ABCB5: variants seen among roughly 807,000 people sequenced by gnomAD.
ABCB5 encodes the protein ATP binding cassette subfamily B member 5, also known as ATP-binding cassette sub-family B member 5.
ABCB5 carries 155 observed loss-of-function variants against 144.2 expected under a neutral mutation model. The ratio of observed to expected loss-of-function variants is 1.08; its 90% CI spans 0.94 to 1.23. ABCB5 has a LOEUF of 1.23. Among genes scored for constraint, ABCB5 ranks in the 50% most tolerant of loss-of-function variants. The pLI is 0.00. For missense variants in ABCB5, 1,830 were observed against 1,520.8 expected (o/e 1.20, Z -3.38); for synonymous variants, 610 against 528.6 (o/e 1.15, Z -2.11).
At chr7:20,753,998 C>T (rs1385024428) in intron 27 of ABCB5, among the ~76,000 whole-genome samples, 1 of 152,202 alleles carries the variant, frequency 6.6e-6, no homozygotes, top group Non-Finnish European at 1.5e-5. Context: ...GCACAGCAAG[C>T]TTCTCCAGCT....
chr7:20,716,402 G>A (rs1035370466), intron 20 of ABCB5, among the ~76,000 whole-genome samples: 2 of 152,004 alleles, frequency 1.3e-5, no homozygotes, highest in Non-Finnish European at 2.9e-5. Context: ...TTAAAAAATA[G>A]CTCCAATGAT....
rs7349983 is a variant in ABCB5, at chr7:20,643,581, G to A, written c.627G>A (p.Val209=). The A allele has an allele frequency of 5.0e-6, 8 of 1,613,844 alleles. No homozygotes were observed. The highest frequency in any genetic ancestry group is 6.8e-6 in the Non-Finnish European group (8 of 1,179,838). ...GLVKGWKLTL[V]TLSTSPLIMA... ...TGAAGGGCTGGAAACTCACCCTAGT[G>A]ACTCTATCCACGTCTCCTCTTATAA... The change falls in exon 7 of 28, where the codon GTG becomes GTA. Residue 209 remains valine (V), a synonymous_variant. Transcript: ENST00000404938.
chr7:20,713,387 G>T (rs1781565215), intron 20 of ABCB5, among the ~76,000 whole-genome samples: 1 of 148,804 alleles, frequency 6.7e-6, no homozygotes, highest in South Asian at 2.2e-4. Flanking sequence ...GAGGTACATG[G>T]TACCACACTC....
At chr7:20,668,031 G>A in intron 14 of ABCB5, among the ~76,000 whole-genome samples, 1 of 60,096 alleles carries the variant, frequency 1.7e-5, no homozygotes, top group Non-Finnish European at 3.1e-5. Flanking sequence ...GTGCTCAATG[G>A]TGCCCAGGCT....
At chr7:20,735,087 A>G (rs1782342872) in intron 23 of ABCB5, among the ~76,000 whole-genome samples, 1 of 152,022 alleles carries the variant, frequency 6.6e-6, no homozygotes, top group Non-Finnish European at 1.5e-5. Context: ...TTTCTTCCAT[A>G]TTTTCTATCC....
intron 20 of ABCB5, among the ~76,000 whole-genome samples, chr7:20,720,912 C>T (rs915536031): frequency 6.6e-5 from 9 of 135,946 alleles, no homozygotes; most frequent in African/African-American, 2.5e-4. Flanking sequence ...CCACTGCACT[C>T]CAGCCTGGGC....
rs183482298 is a variant in ABCB5, at chr7:20,717,408, A to T, written c.2422-5608A>T. 1.1e-4 allele frequency among the ~76,000 whole-genome samples: 16 copies of T among 147,754 alleles called. No homozygotes were observed. The East Asian group carries it at 3.2e-3, about 30-fold the overall frequency. ...CGTCCTCACAGGATCTTCTCTGTGT[A>T]TGCAGTGTCTGCTGTGTCCAGATTT... On this transcript the variant is annotated intron_variant, in intron 20 of 27. Transcript: ENST00000404938.
rs1477180314 is a variant in ABCB5, at chr7:20,745,214, C to A, written c.3223-18C>A. 11 of 1,612,818 alleles carry A rather than the reference C, an allele frequency of 6.8e-6. No individual in the cohort carries two copies. The highest frequency in any genetic ancestry group is 1.7e-4 in the Middle Eastern group (1 of 5,942). On this transcript the variant is annotated intron_variant, in intron 25 of 27. Coordinates refer to ENST00000404938, the MANE Select transcript of ABCB5 (RefSeq NM_001163941.2). ...TTGTGTGATCTTAACACACCATTCT[C>A]CAATCTGCTTTTGGCAGCTGTTTGA... is the stretch of plus-strand genomic sequence containing the variant.
intron 23 of ABCB5, among the ~76,000 whole-genome samples, chr7:20,729,607 G>C (rs1782144674): frequency 6.6e-6 from 1 of 152,092 alleles, no homozygotes; most frequent in Non-Finnish European, 1.5e-5. Context: ...AATTAATTTT[G>C]AGTATTAATT....
chr7:20,655,241 G>C (rs1477300682), intron 13 of ABCB5, among the ~76,000 whole-genome samples: 2 of 152,098 alleles, frequency 1.3e-5, no homozygotes, highest in Non-Finnish European at 2.9e-5. Context: ...GGAGGCTGAG[G>C]CAGGTGGATC....
intron 5 of ABCB5, among the ~76,000 whole-genome samples, chr7:20,639,147 T>C (rs773145313): frequency 6.6e-6 from 1 of 152,222 alleles, no homozygotes; most frequent in Non-Finnish European, 1.5e-5. Flanking sequence ...TCTACTCATA[T>C]ATTTTCTTTG....
chr7:20,745,240 T>C lies in ABCB5; in HGVS notation c.3231T>C (p.Asp1077=). 1 of 1,613,926 alleles carries C rather than the reference T, an allele frequency of 6.2e-7. No individual in the cohort carries two copies. The highest frequency in any genetic ancestry group is 8.5e-7 in the Non-Finnish European group (1 of 1,179,858). Residue 1077 remains aspartate, a synonymous_variant, in exon 26 of 28, where the codon GAT becomes GAC. Transcript: ENST00000404938. Reference sequence around the variant, plus strand: ...CAATCTGCTTTTGGCAGCTGTTTGATGGTGTGGATGCAAAAGAATTGAATG... The same window carrying C: ...CAATCTGCTTTTGGCAGCTGTTTGACGGTGTGGATGCAAAAGAATTGAATG... ...YDPVQGQVLF[D]GVDAKELNVQ... is the part of the protein sequence containing the mutation.
chr7:20,650,038 A>G lies in ABCB5; in HGVS notation c.1223A>G (p.Asn408Ser). 6.2e-7 allele frequency: 1 copy of G among 1,612,808 alleles called. No individual in the cohort carries two copies. Among genetic ancestry groups the G allele is most frequent in the East Asian group, 2.2e-5 (1 of 44,872 alleles). The change falls in exon 12 of 28, where the codon AAT becomes AGT. Residue 408 changes from asparagine (N) to serine (S), a missense_variant. Asn to Ser is a conservative substitution (Grantham distance 46, BLOSUM62 1). Transcript: ENST00000404938. ...TTCCAATAGATTCTGAAAGGTCTGA[A>G]TCTCAGAATTAAGTCTGGAGAGACA... ...RPSIKILKGL[N>S]LRIKSGETVA...
rs182503679 is a variant in ABCB5 at position 20,653,971 on chromosome 7, C to A, written c.1536+2348C>A. 5.3e-5 allele frequency among the ~76,000 whole-genome samples: 8 copies of A among 152,286 alleles called. No individual in the cohort carries two copies. In the East Asian group the frequency reaches 1.5e-3, roughly 29 times the overall value. Reference sequence around the variant, plus strand: ...AAAAGCCACACCTTAGGAGTCAGGACCACACCTTAGAGTAAGATCTACCTG... The same window carrying A: ...AAAAGCCACACCTTAGGAGTCAGGAACACACCTTAGAGTAAGATCTACCTG... On this transcript the variant is annotated intron_variant, in intron 13 of 27. Transcript: ENST00000404938.
chr7:20,682,467 C>G (rs1785861126), intron 15 of ABCB5, among the ~76,000 whole-genome samples: 2 of 151,948 alleles, frequency 1.3e-5, no homozygotes, highest in Non-Finnish European at 2.9e-5. Context: ...TGGGGGTGAA[C>G]ATAAAGGACA....
rs978932823 is a variant in ABCB5, at chr7:20,718,414, T to C, written c.2422-4602T>C. Among the ~76,000 whole-genome samples, 10 of 152,358 alleles carry C rather than the reference T, an allele frequency of 6.6e-5. No homozygotes were observed. The East Asian group carries it at 1.9e-3, about 29-fold the overall frequency. ...TTCTTAGAGTTAGTGTATCATACCC[T>C]TAAACACTTAACCAGGCTACCTTGT... On this transcript the variant is annotated intron_variant, in intron 20 of 27. Coordinates refer to ENST00000404938, the MANE Select transcript of ABCB5 (RefSeq NM_001163941.2).
intron 20 of ABCB5, among the ~76,000 whole-genome samples, chr7:20,716,654 T>C (rs1255829450): frequency 1.3e-5 from 2 of 152,170 alleles, no homozygotes; most frequent in African/African-American, 2.4e-5. Flanking sequence ...ATGTATTCAA[T>C]TCAAAAGACC....
intron 3 of ABCB5, among the ~76,000 whole-genome samples, chr7:20,627,947 A>G (rs1211078190): frequency 6.6e-6 from 1 of 152,110 alleles, no homozygotes; most frequent in Non-Finnish European, 1.5e-5. Context: ...TCTGATTCAT[A>G]CCCACATCTG....
At chr7:20,647,715 C>A (rs1784452631) in intron 10 of ABCB5, 67 bp downstream of exon 10, 3 of 1,524,226 alleles carry the variant, frequency 2.0e-6, no homozygotes, top group African/African-American at 1.4e-5. Context: ...AAAACATACA[C>A]CCTCATTTTC....
Sources: allele counts gnomAD v4.1 joint callset (sites outside exome capture counted in the v4.1 genomes callset), GRCh38; gene constraint gnomAD v4.1.1; transcripts MANE v1.5; gene names NCBI Gene and HGNC (gene_info 2026-07-23, HGNC 2026-07-21).